Variants in ZFHX3 observed in about 807,000 individuals in gnomAD.
ZFHX3 encodes zinc finger homeobox 3, also known as zinc finger homeobox protein 3.
In ZFHX3, 42 loss-of-function variants were observed where a neutral mutation model predicts 279.1. The observed-to-expected ratio is 0.15, with a 90% CI of 0.12 to 0.19. ZFHX3 has a LOEUF of 0.19. ZFHX3 is among the 10% of genes least tolerant of loss of function. ZFHX3 has a pLI of 1.00. For missense variants in ZFHX3, 4,981 were observed against 4,754.0 expected, an observed-to-expected ratio of 1.05 and a Z score of -1.40; for synonymous variants, 2,293 against 1,957.8, an observed-to-expected ratio of 1.17 and a Z score of -4.52.
chr16:73,516,985 G>A (rs564079385), intron 2 of ZFHX3, among the ~76,000 whole-genome samples: 31 of 152,112 alleles, frequency 2.0e-4, no homozygotes, highest in Non-Finnish European at 4.0e-4. Flanking sequence ...ACAGAAAAAC[G>A]CATGATCAAC....
At chr16:73,740,713 G>A in intron 1 of ZFHX3, among the ~76,000 whole-genome samples, 1 of 152,160 alleles carries the variant, frequency 6.6e-6, no homozygotes, top group Middle Eastern at 3.2e-3. Flanking sequence ...TTGGGGTTCA[G>A]AACCTGAGAT....
At chr16:73,007,853 T>C (rs941447040) in intron 1 of ZFHX3, among the ~76,000 whole-genome samples, 5 of 152,312 alleles carry the variant, frequency 3.3e-5, no homozygotes, top group Admixed American at 2.6e-4. Flanking sequence ...TTCAAAGGTG[T>C]TGCATTTTAA....
At chr16:73,120,128 C>G (rs1966478859) in intron 7 of ZFHX3, among the ~76,000 whole-genome samples, 1 of 152,012 alleles carries the variant, frequency 6.6e-6, no homozygotes, top group African/African-American at 2.4e-5. Flanking sequence ...TTGTTTTTTT[C>G]ACACTCAAGG....
In ZFHX3 at chr16:73,129,690, G is replaced by A. The variant is rs534809395; in HGVS notation, c.-897+1278C>T. 1.8e-3 allele frequency among the ~76,000 whole-genome samples: 247 copies of A among 140,758 alleles called. 3 individuals are homozygous for A. The highest frequency in any genetic ancestry group is 3.1e-3 in the Non-Finnish European group (211 of 67,532). 92.3% of individuals were successfully genotyped at this position (140,758 alleles called of 152,430 possible). ...CCCACGCCTGTGTGCATGTGTGCGC[G>A]CATGTGCATGTGTGTGCATGTGTAT... On this transcript the variant is annotated intron_variant, in intron 7 of 17. Coordinates refer to the ZFHX3 transcript ENST00000641206.
intron 1 of ZFHX3, among the ~76,000 whole-genome samples, chr16:73,010,040 A>AAAAAAAAAAAC (rs1416241740): frequency 1.3e-5 from 2 of 150,932 alleles, no homozygotes; most frequent in African/African-American, 4.9e-5. Flanking sequence ...AAAAAAAAAA[A>AAAAAAAAAAAC]AAACTCATAA....
At chr16:73,175,401 C>G (rs917157621) in intron 5 of ZFHX3, among the ~76,000 whole-genome samples, 1 of 151,692 alleles carries the variant, frequency 6.6e-6, no homozygotes, top group Non-Finnish European at 1.5e-5. Flanking sequence ...AACAAACAAA[C>G]AAAAAAACCA....
chr16:72,933,132 G>A (rs777702117), intron 3 of ZFHX3, among the ~76,000 whole-genome samples: 4 of 152,160 alleles, frequency 2.6e-5, no homozygotes, highest in African/African-American at 4.8e-5. Context: ...CATCTCGTGG[G>A]CATCCAGACA....
intron 5 of ZFHX3, among the ~76,000 whole-genome samples, chr16:73,249,958 A>G (rs2013433138): frequency 6.6e-6 from 1 of 152,138 alleles, no homozygotes; most frequent in Admixed American, 6.6e-5. Flanking sequence ...TCACAATAAC[A>G]AGTGTCAGCA....
At chr16:73,661,993 A>T (rs1370290734) in intron 2 of ZFHX3, among the ~76,000 whole-genome samples, 3 of 133,204 alleles carry the variant, frequency 2.3e-5, no homozygotes, top group African/African-American at 8.4e-5. Context: ...TTAAGGATAG[A>T]CACAACGGAC....
chr16:73,300,390 T>C (rs912481775), intron 4 of ZFHX3, among the ~76,000 whole-genome samples: 3 of 152,024 alleles, frequency 2.0e-5, no homozygotes, highest in Non-Finnish European at 4.4e-5. Context: ...CAGCAGCCCC[T>C]CTGGACTCTA....
At chr16:73,189,410 G>A (rs934113427) in intron 5 of ZFHX3, among the ~76,000 whole-genome samples, 3 of 152,164 alleles carry the variant, frequency 2.0e-5, no homozygotes, top group African/African-American at 7.2e-5. Context: ...TTGAAATTAG[G>A]CCTGACATAG....
At chr16:73,313,460 A>T (rs1354818961) in intron 4 of ZFHX3, among the ~76,000 whole-genome samples, 2 of 152,198 alleles carry the variant, frequency 1.3e-5, no homozygotes, top group Non-Finnish European at 2.9e-5. Context: ...GGAATGCTGC[A>T]CCTATACAAC....
At chr16:73,318,095 G>A (rs2015494620) in intron 4 of ZFHX3, 1 of 152,216 alleles carries the variant, frequency 6.6e-6, no homozygotes, top group Non-Finnish European at 1.5e-5. Flanking sequence ...AGGTAGACTT[G>A]AGTGTCTCAC....
chr16:73,264,129 T>A (rs956620788), intron 4 of ZFHX3, among the ~76,000 whole-genome samples: 41 of 152,170 alleles, frequency 2.7e-4, no homozygotes, highest in African/African-American at 9.7e-4. Flanking sequence ...ATCATACCAC[T>A]GCACTCCAGC....
intron 2 of ZFHX3, among the ~76,000 whole-genome samples, chr16:73,588,167 AG>A (rs1404080051): frequency 3.3e-5 from 5 of 152,232 alleles, no homozygotes; most frequent in African/African-American, 1.2e-4. Context: ...CATAGATCAA[AG>A]AAAAGAATCA....
chr16:72,851,411 G>A (rs1411887541), intron 4 of ZFHX3, among the ~76,000 whole-genome samples: 1 of 152,224 alleles, frequency 6.6e-6, no homozygotes, highest in Non-Finnish European at 1.5e-5. Flanking sequence ...GAGTCTTCCA[G>A]AGAGAGTACT....
rs1491173093 is a variant in ZFHX3 at position 73,839,327 on chromosome 16, A to AAAAAAG, written c.-1608+52323_-1608+52324insCTTTTT. On this transcript the variant is annotated intron_variant, in intron 1 of 17. Coordinates refer to the ZFHX3 transcript ENST00000641206. ...CAGCAACAGAGCAAGACTCCATCTCAAAAAAAAAAAAAAAAAAAAAAAAAA... is the reference window on the plus strand; with the variant it reads ...CAGCAACAGAGCAAGACTCCATCTCAAAAAAGAAAAAAAAAAAAAAAAAAAAAAAAA... 3.8e-3 allele frequency among the ~76,000 whole-genome samples: 146 copies of AAAAAAG among 38,184 alleles called. 9 individuals are homozygous for AAAAAAG. Among genetic ancestry groups the AAAAAAG allele is most frequent in the African/African-American group, 0.019 (139 of 7,490 alleles). 25.1% of individuals were successfully genotyped at this position (38,184 alleles called of 152,430 possible).
In ZFHX3 at chr16:73,848,115, C is replaced by T. The variant is rs186158260; in HGVS notation, c.-1608+43536G>A. On this transcript the variant is annotated intron_variant, in intron 1 of 17. Coordinates refer to the ZFHX3 transcript ENST00000641206. ...CACCGGAAGAGTAAACTAATTTTGT[C>T]TCATTACAGTTTACACTCAATCTAG... 1.8e-3 allele frequency among the ~76,000 whole-genome samples: 278 copies of T among 151,926 alleles called. 1 individual carries two copies. Among genetic ancestry groups the T allele is most frequent in the African/African-American group, 6.2e-3 (256 of 41,428 alleles).
chr16:73,407,917 C>A (rs749139021), intron 3 of ZFHX3, among the ~76,000 whole-genome samples: 26 of 152,120 alleles, frequency 1.7e-4, no homozygotes, highest in Non-Finnish European at 3.5e-4. Flanking sequence ...ATTCCTACCC[C>A]AACCTCTGAT....
Sources: gnomAD v4.1 joint callset for allele counts (sites outside exome capture counted in the v4.1 genomes callset) on GRCh38, gnomAD v4.1.1 for gene constraint, MANE v1.5 for transcripts, NCBI Gene and HGNC (gene_info 2026-07-23, HGNC 2026-07-21) for gene names.